Variants in MYO5A observed in about 807,000 individuals in gnomAD.
The protein encoded by MYO5A is myosin VA.
In MYO5A, 98 loss-of-function variants were observed where a neutral mutation model predicts 249.7. That is an observed-to-expected ratio of 0.39 (90% CI 0.33 to 0.46). MYO5A has a LOEUF of 0.46. MYO5A is among the 20% of genes least tolerant of loss of function. The probability of loss-of-function intolerance (pLI) is 0.98; values close to 1 mark genes in which losing one functional copy is unlikely to be tolerated. For missense variants in MYO5A, 1,696 were observed against 2,308.8 expected (o/e 0.73, Z 5.44); for synonymous variants, 778 against 810.6 (o/e 0.96, Z 0.68).
chr15:52,328,225 C>T (rs749406404), intron 35 of MYO5A, among the ~76,000 whole-genome samples: 32 of 152,174 alleles, frequency 2.1e-4, no homozygotes, highest in Non-Finnish European at 4.0e-4. Context: ...CCTGCGCTGA[C>T]TTTTCCCTTG....
At chr15:52,431,684 TAAA>T (rs56264450) in intron 2 of MYO5A, among the ~76,000 whole-genome samples, 48 of 140,536 alleles carry the variant, frequency 3.4e-4, no homozygotes, top group Middle Eastern at 3.7e-3. Flanking sequence ...GTGCTATATC[TAAA>T]AAAAAAAAAA....
intron 1 of MYO5A, chr15:52,437,911 A>G (rs993237925): frequency 9.3e-5 from 41 of 442,700 alleles, no homozygotes; most frequent in African/African-American, 8.6e-4. Context: ...CATATTCACC[A>G]AAAGCAAGAT....
intron 13 of MYO5A, among the ~76,000 whole-genome samples, chr15:52,388,776 T>C (rs905038913): frequency 6.6e-6 from 1 of 152,188 alleles, no homozygotes. Context: ...AGATCAGCTA[T>C]GCTTTAGGAC....
intron 4 of MYO5A, among the ~76,000 whole-genome samples, chr15:52,423,382 C>T (rs1451146726): frequency 1.3e-5 from 2 of 152,004 alleles, no homozygotes; most frequent in Admixed American, 1.3e-4. Flanking sequence ...GAAACCCCGT[C>T]TCCACTAAAA....
chr15:52,402,225 G>A (rs1009554495), intron 9 of MYO5A, among the ~76,000 whole-genome samples: 3 of 152,138 alleles, frequency 2.0e-5, no homozygotes, highest in African/African-American at 7.2e-5. Context: ...AATCAGTCTG[G>A]GAATGAATAT....
chr15:52,472,617 C>A (rs1017870660), intron 1 of MYO5A, among the ~76,000 whole-genome samples: 12 of 152,148 alleles, frequency 7.9e-5, no homozygotes, highest in African/African-American at 2.9e-4. Flanking sequence ...TGTTCAGTTC[C>A]CACCTATGAG....
intron 1 of MYO5A, among the ~76,000 whole-genome samples, chr15:52,456,313 A>C (rs1283218150): frequency 6.6e-6 from 1 of 152,220 alleles, no homozygotes; most frequent in Non-Finnish European, 1.5e-5. Context: ...GAAATTAAAG[A>C]GGACACACAA....
At position 52,358,309 on chromosome 15, in the gene MYO5A, G is replaced by A. The variant is rs370225331; in HGVS notation, c.3423+1659C>T. Among the ~76,000 whole-genome samples, 8 of 152,164 alleles carry A rather than the reference G, an allele frequency of 5.3e-5. No homozygotes were observed. The East Asian group carries it at 1.4e-3, about 26-fold the overall frequency. On this transcript the variant is annotated intron_variant, in intron 25 of 41. Transcript: ENST00000399233. ...GCAGCTTGTAAATGTACTTCCCTCC[G>A]ACTATTGCAAGTGAGTACTCCCACT...
At chr15:52,479,786 G>A (rs1400757671) in intron 1 of MYO5A, among the ~76,000 whole-genome samples, 1 of 152,122 alleles carries the variant, frequency 6.6e-6, no homozygotes, top group Non-Finnish European at 1.5e-5. Flanking sequence ...AAAGTCCATG[G>A]CATCTGAACA....
intron 18 of MYO5A, among the ~76,000 whole-genome samples, chr15:52,378,829 T>C (rs998321685): frequency 1.3e-5 from 2 of 152,150 alleles, no homozygotes; most frequent in Non-Finnish European, 2.9e-5. Context: ...ACCCGGGAAA[T>C]ACAAATTCTT....
intron 16 of MYO5A, among the ~76,000 whole-genome samples, chr15:52,382,526 G>A (rs1056616000): frequency 5.9e-5 from 9 of 152,176 alleles, no homozygotes; most frequent in Admixed American, 2.6e-4. Context: ...AGCCGAGATC[G>A]CGTTATTGCA....
chr15:52,424,134 A>G (rs1165569309), intron 4 of MYO5A, among the ~76,000 whole-genome samples: 1 of 152,188 alleles, frequency 6.6e-6, no homozygotes, highest in African/African-American at 2.4e-5. Flanking sequence ...GATTTTTCCA[A>G]CTTAAGGGAA....
intron 1 of MYO5A, among the ~76,000 whole-genome samples, chr15:52,444,861 T>C (rs895104234): frequency 1.3e-5 from 2 of 152,236 alleles, no homozygotes; most frequent in Non-Finnish European, 2.9e-5. Context: ...AACTAAAATG[T>C]CTTAACATGG....
intron 6 of MYO5A, among the ~76,000 whole-genome samples, chr15:52,408,914 T>C (rs1254381510): frequency 1.3e-5 from 2 of 152,122 alleles, no homozygotes; most frequent in Non-Finnish European, 2.9e-5. Context: ...CTGAACAAAT[T>C]ACCAGTATAC....
Position 52,477,765 on chromosome 15 carries a change from C to T in MYO5A, c.28-44480G>A, listed in dbSNP as rs554902158. Among the ~76,000 whole-genome samples, 8 of 152,300 alleles carry T rather than the reference C, an allele frequency of 5.3e-5. No individual in the cohort carries two copies. In the South Asian group the frequency reaches 1.7e-3, roughly 32 times the overall value. On this transcript the variant is annotated intron_variant, in intron 1 of 41. Transcript: ENST00000399233. ...GGCTAATGTTGCTGCCTGATCATTC[C>T]TCTGGAAGCTTCGTCTCAGAGGTGC...
At position 52,312,222 on chromosome 15, in the gene MYO5A, G is replaced by A. The variant is rs572295494; in HGVS notation, c.*1474C>T. ...ATGATGCTTTTAAAATTATCTAGTG[G>A]CATCTGAGAACACTTATAGAAGCTG... is the stretch of plus-strand genomic sequence containing the variant. On this transcript the variant is annotated 3_prime_UTR_variant, in exon 42 of 42. Transcript: ENST00000399233. 2 of 151,968 alleles carry A rather than the reference G, an allele frequency of 1.3e-5. No individual in the cohort carries two copies. The highest frequency in any genetic ancestry group is 2.9e-5 in the Non-Finnish European group (2 of 68,004). 9.4% of individuals were successfully genotyped at this position (151,968 alleles called of 1,614,324 possible).
intron 10 of MYO5A, among the ~76,000 whole-genome samples, chr15:52,396,908 A>G (rs2042513395): frequency 6.6e-6 from 1 of 152,264 alleles, no homozygotes; most frequent in Non-Finnish European, 1.5e-5. Flanking sequence ...AGCAAATAAA[A>G]TTAGATTTTT....
chr15:52,464,434 C>T (rs1345990124), intron 1 of MYO5A, among the ~76,000 whole-genome samples: 1 of 152,142 alleles, frequency 6.6e-6, no homozygotes, highest in Non-Finnish European at 1.5e-5. Context: ...GGACTAGTTC[C>T]TTCTCACTCT....
chr15:52,446,369 C>A (rs1263235603), intron 1 of MYO5A, among the ~76,000 whole-genome samples: 1 of 152,264 alleles, frequency 6.6e-6, no homozygotes, highest in East Asian at 1.9e-4. Flanking sequence ...GGTGTTAAGC[C>A]TGTAGGTGTA....
Sources: allele counts gnomAD v4.1 joint callset (sites outside exome capture counted in the v4.1 genomes callset), GRCh38; gene constraint gnomAD v4.1.1; transcripts MANE v1.5; gene names NCBI Gene and HGNC (gene_info 2026-07-23, HGNC 2026-07-21).